The following ZFYVE16 variants were observed in gnomAD, a reference collection of about 807,000 sequenced individuals.
ZFYVE16 encodes zinc finger FYVE-type containing 16, also known as zinc finger FYVE domain-containing protein 16.
Under a neutral mutation model 138.1 loss-of-function variants are expected in ZFYVE16, and 89 were observed. That is an observed-to-expected ratio of 0.64 (90% CI 0.54 to 0.77). The LOEUF is 0.77. Among genes scored for constraint, ZFYVE16 ranks in the 30% least tolerant of loss-of-function variants. The pLI is 0.00. For missense variants in ZFYVE16, 1,793 were observed against 1,786.7 expected (o/e 1.00, Z -0.06); for synonymous variants, 596 against 618.3 (o/e 0.96, Z 0.53).
At chr5:80,445,011 C>T (rs1344519682) in intron 6 of ZFYVE16, among the ~76,000 whole-genome samples, 1 of 152,102 alleles carries the variant, frequency 6.6e-6, no homozygotes, top group African/African-American at 2.4e-5. Flanking sequence ...GATAGATCTC[C>T]TGTCCATTCC....
chr5:80,438,686 G>T lies in ZFYVE16; in HGVS notation c.2001G>T (p.Lys667Asn). 2 of 1,614,084 alleles carry T rather than the reference G, an allele frequency of 1.2e-6. No individual in the cohort carries two copies. The highest frequency in any genetic ancestry group is 2.2e-5 in the South Asian group (2 of 91,076). ...SRTRSSKDLN[K>N]PDVPDTIESE... ...CAAGGAGTTCAAAGGACCTGAATAA[G>T]CCAGATGTTCCAGATACAATAGAAA... The change falls in exon 4 of 19, where the codon AAG becomes AAT. Residue 667 changes from lysine (K) to asparagine (N), a missense_variant. Lys to Asn is a moderately conservative substitution (Grantham distance 94). Coordinates refer to ENST00000505560, the MANE Select transcript of ZFYVE16 (RefSeq NM_001284236.3).
intron 15 of ZFYVE16, among the ~76,000 whole-genome samples, chr5:80,465,400 G>GCTTTTTTTTTTTTTTT (rs1753596919): frequency 3.7e-5 from 1 of 26,780 alleles, no homozygotes; most frequent in Non-Finnish European, 7.4e-5. Context: ...CCTTTTCTTT[G>GCTTTTTTTTTTTTTTT]TTTTTTTTTT....
Position 80,482,998 on chromosome 5 carries a change from G to T in ZFYVE16, c.*5621G>T, listed in dbSNP as rs1241410097. The T allele has an allele frequency of 1.3e-5, 2 of 152,234 alleles. No homozygotes were observed. The highest frequency in any genetic ancestry group is 4.8e-5 in the African/African-American group (2 of 41,546). The allele number at this position is 152,234 out of a possible 1,614,324, so 9.4% of individuals were successfully genotyped here. On this transcript the variant is annotated 3_prime_UTR_variant, in exon 19 of 19. Transcript: ENST00000505560. ...TCCTGTCTGAGCCTCCAGAGGAGTA[G>T]CTGGGATTACAGGTGCGTGGTACCA...
chr5:80,421,642 C>G (rs1747197478), intron 1 of ZFYVE16, among the ~76,000 whole-genome samples: 1 of 152,082 alleles, frequency 6.6e-6, no homozygotes, highest in African/African-American at 2.4e-5. Context: ...CTGTTCTGTT[C>G]CATTGGTCTA....
At chr5:80,447,171 A>AG (rs1414675657) in intron 7 of ZFYVE16, among the ~76,000 whole-genome samples, 2 of 148,908 alleles carry the variant, frequency 1.3e-5, no homozygotes, top group African/African-American at 4.9e-5. Context: ...AGACGGAGGC[A>AG]GGAGAAAATC....
rs755718192 is a variant in ZFYVE16 at position 80,436,813 on chromosome 5, T to C, written c.128T>C (p.Val43Ala). 9.9e-6 allele frequency: 16 copies of C among 1,614,050 alleles called. No individual in the cohort carries two copies. The highest frequency in any genetic ancestry group is 1.3e-5 in the Non-Finnish European group (15 of 1,180,030). The change falls in exon 4 of 19, where the codon GTT (valine) becomes GCT (alanine). Residue 43 changes from valine (V) to alanine (A), a missense_variant. Val to Ala is a moderately conservative substitution (Grantham distance 64, BLOSUM62 0). This residue lies in a region of ZFYVE16 where 1,295 missense variants were observed against 1,204.3 expected (regional missense o/e 1.08). Coordinates refer to ENST00000505560, the MANE Select transcript of ZFYVE16 (RefSeq NM_001284236.3). ...GCATATGATTCTAACCACTGCTCAGTTTCTTCAGAGTTGGCTTCCTCACAG... is the reference window on the plus strand; with the variant it reads ...GCATATGATTCTAACCACTGCTCAGCTTCTTCAGAGTTGGCTTCCTCACAG... ...QNAYDSNHCS[V>A]SSELASSQRT...
chr5:80,417,143 G>T (rs1050688915), intron 1 of ZFYVE16, among the ~76,000 whole-genome samples: 1 of 152,144 alleles, frequency 6.6e-6, no homozygotes, highest in Non-Finnish European at 1.5e-5. Flanking sequence ...TCAGTATACA[G>T]ATATAGTGAT....
intron 18 of ZFYVE16, among the ~76,000 whole-genome samples, chr5:80,475,680 CTTTTT>C (rs1233868017): frequency 6.6e-6 from 1 of 152,080 alleles, no homozygotes; most frequent in Non-Finnish European, 1.5e-5. Context: ...AGCAGACATT[CTTTTT>C]TAACAGCGGC....
chr5:80,466,665 T>C (rs775954604), intron 15 of ZFYVE16, among the ~76,000 whole-genome samples: 2 of 152,216 alleles, frequency 1.3e-5, no homozygotes, highest in Non-Finnish European at 2.9e-5. Flanking sequence ...TTTCTTTGGA[T>C]AAAAGGGTTT....
chr5:80,427,840 C>T (rs564436401), intron 2 of ZFYVE16, among the ~76,000 whole-genome samples: 47 of 151,054 alleles, frequency 3.1e-4, no homozygotes, highest in African/African-American at 1.0e-3. Flanking sequence ...AGCCTGGTGG[C>T]GCACGCCTGT....
At chr5:80,449,747 G>A in intron 9 of ZFYVE16, 34 bp downstream of exon 9, 1 of 1,548,274 alleles carries the variant, frequency 6.5e-7, no homozygotes, top group Non-Finnish European at 8.7e-7. Context: ...TGCTTAATTG[G>A]TAAGCAGGAT....
At position 80,449,735 on chromosome 5, in the gene ZFYVE16, T is replaced by C. The variant is rs1751785098; in HGVS notation, c.3226+22T>C. On this transcript the variant is annotated intron_variant, in intron 9 of 18. Transcript: ENST00000505560. ...TTTTGTAAGTAATAATTTATCCTTA[T>C]TTGCTTAATTGGTAAGCAGGATTTC... 1.9e-6 allele frequency: 3 copies of C among 1,570,296 alleles called. 1 individual carries two copies. The East Asian group carries it at 7.0e-5, about 37-fold the overall frequency.
At chr5:80,440,701 T>TGG (rs1580232889) in intron 5 of ZFYVE16, 2 of 982,710 alleles carry the variant, frequency 2.0e-6, no homozygotes, top group East Asian at 2.3e-4. Flanking sequence ...TGTGTGTGTG[T>TGG]GTGGTGTTTT....
chr5:80,475,368 TAACTGGTGGACTCTGGAG>T (rs1207738033), intron 18 of ZFYVE16, among the ~76,000 whole-genome samples: 1 of 152,258 alleles, frequency 6.6e-6, no homozygotes, highest in Non-Finnish European at 1.5e-5. Flanking sequence ...GTATTCTGTG[TAACTGGTGGACTCTGGAG>T]ATAATAACTC....
At chr5:80,472,121 T>C (rs954661327) in intron 15 of ZFYVE16, among the ~76,000 whole-genome samples, 4 of 152,070 alleles carry the variant, frequency 2.6e-5, no homozygotes, top group Admixed American at 2.0e-4. Flanking sequence ...TCTGTTATTG[T>C]GTCCCCAGTT....
In ZFYVE16 at chr5:80,430,877, G is replaced by A. The variant is rs561322877; in HGVS notation, c.-39-3232G>A. 6.3e-3 allele frequency among the ~76,000 whole-genome samples: 952 copies of A among 152,136 alleles called. 10 individuals are homozygous for A. Among genetic ancestry groups the A allele is most frequent in the African/African-American group, 0.021 (879 of 41,512 alleles). ...ATTGCTGGACATATACACCCTCCCA[G>A]GACTAAACCAGGAAGAAGTTGAATC... On this transcript the variant is annotated intron_variant, in intron 2 of 18. Coordinates refer to ENST00000505560, the MANE Select transcript of ZFYVE16 (RefSeq NM_001284236.3).
At chr5:80,415,725 T>C (rs1459147362) in intron 1 of ZFYVE16, among the ~76,000 whole-genome samples, 3 of 152,076 alleles carry the variant, frequency 2.0e-5, no homozygotes, top group Non-Finnish European at 4.4e-5. Flanking sequence ...TGGAGTGCAG[T>C]GGTGCGATCT....
intron 1 of ZFYVE16, among the ~76,000 whole-genome samples, chr5:80,408,821 T>G (rs1479666112): frequency 6.6e-6 from 1 of 152,248 alleles, no homozygotes; most frequent in Non-Finnish European, 1.5e-5. Context: ...TGAAAACCAG[T>G]CCATACATTT....
At chr5:80,410,850 G>C (rs990248068) in intron 1 of ZFYVE16, among the ~76,000 whole-genome samples, 1 of 150,622 alleles carries the variant, frequency 6.6e-6, no homozygotes, top group Non-Finnish European at 1.5e-5. Context: ...TTGCAGGTAC[G>C]AGCCACCTCA....
Sources: gnomAD v4.1 joint callset for allele counts (sites outside exome capture counted in the v4.1 genomes callset) on GRCh38, gnomAD v4.1.1 for gene constraint, gnomAD v4.1.1 regional missense constraint, MANE v1.5 for transcripts, NCBI Gene and HGNC (gene_info 2026-07-23, HGNC 2026-07-21) for gene names.